TGFBR2: variants seen among roughly 807,000 people sequenced by gnomAD.
TGFBR2 encodes the protein TGF-beta receptor type-2.
In TGFBR2, 18 loss-of-function variants were observed where a neutral mutation model predicts 49.0. That is an observed-to-expected ratio of 0.37 (90% CI 0.25 to 0.54). TGFBR2 has a LOEUF of 0.54. Among genes scored for constraint, TGFBR2 ranks in the 20% least tolerant of loss-of-function variants. The pLI is 0.85. For synonymous variants in TGFBR2, 282 were observed against 275.9 expected (o/e 1.02, Z -0.22); for missense variants, 525 against 722.6 (o/e 0.73, Z 3.13).
chr3:30,657,363 G>C (rs1039691622), intron 3 of TGFBR2, among the ~76,000 whole-genome samples: 1 of 152,138 alleles, frequency 6.6e-6, no homozygotes, highest in Non-Finnish European at 1.5e-5. Context: ...TTCCATGTCC[G>C]TGAGAAATGA....
At chr3:30,622,052 G>A (rs1559448833) in intron 1 of TGFBR2, among the ~76,000 whole-genome samples, 1 of 152,118 alleles carries the variant, frequency 6.6e-6, no homozygotes, top group Non-Finnish European at 1.5e-5. Flanking sequence ...TTCTTCAGAG[G>A]TACATCTTTA....
chr3:30,652,452 TCGAACTC>T (rs1257057319), intron 3 of TGFBR2, among the ~76,000 whole-genome samples: 4 of 152,096 alleles, frequency 2.6e-5, no homozygotes, highest in African/African-American at 9.7e-5. Context: ...CAGTCTGGTC[TCGAACTC>T]CTGACCTCAG....
At chr3:30,687,855 T>G (rs1055394433) in intron 5 of TGFBR2, among the ~76,000 whole-genome samples, 1 of 152,232 alleles carries the variant, frequency 6.6e-6, no homozygotes, top group African/African-American at 2.4e-5. Context: ...TGTGTCTGGC[T>G]TATTTCACTT....
intron 3 of TGFBR2, among the ~76,000 whole-genome samples, chr3:30,670,712 C>T (rs987070530): frequency 6.6e-6 from 1 of 152,266 alleles, no homozygotes; most frequent in Non-Finnish European, 1.5e-5. Context: ...GTGCTAAGGA[C>T]TCTCCTTGTC....
intron 5 of TGFBR2, among the ~76,000 whole-genome samples, chr3:30,685,867 C>A (rs1221911888): frequency 6.6e-6 from 1 of 152,160 alleles, no homozygotes; most frequent in African/African-American, 2.4e-5. Flanking sequence ...GCTACATAAG[C>A]CAAAACAATT....
chr3:30,672,017 C>A lies in TGFBR2; in HGVS notation c.834C>A (p.Ile278=), dbSNP rs779238628. 1 of 1,614,114 alleles carries A rather than the reference C, an allele frequency of 6.2e-7. No homozygotes were observed. Among genetic ancestry groups the A allele is most frequent in the African/African-American group, 1.3e-5 (1 of 74,948 alleles). The change falls in exon 4 of 7, where the codon ATC becomes ATA. Residue 278 remains isoleucine, a synonymous_variant. Transcript: ENST00000295754. This position sits in a 1 kb window ranked among gnomAD's most constrained non-coding sequence, Gnocchi z 4.5. ...AGTTTGAGACAGTGGCAGTCAAGAT[C>A]TTTCCCTATGAGGAGTATGCCTCTT... ...SEQFETVAVK[I]FPYEEYASWK...
At chr3:30,619,143 T>C (rs1698183842) in intron 1 of TGFBR2, among the ~76,000 whole-genome samples, 1 of 152,220 alleles carries the variant, frequency 6.6e-6, no homozygotes, top group Non-Finnish European at 1.5e-5. Context: ...TATCTCATGG[T>C]GATTCCTGTT....
rs778675253 is a variant in TGFBR2, at chr3:30,650,460, G to A, written c.454G>A (p.Glu152Lys). The A allele has an allele frequency of 1.2e-6, 2 of 1,613,850 alleles. No homozygotes were observed. Among genetic ancestry groups the A allele is most frequent in the African/African-American group, 1.3e-5 (1 of 74,880 alleles). Residue 152 changes from glutamate to lysine, a missense_variant and splice_region_variant, in exon 3 of 7, where the codon GAA becomes AAA. Physicochemically the swap from Glu to Lys is moderately conservative, Grantham distance 56 (BLOSUM62 1). Transcript: ENST00000295754. ...CAATGACAACATCATCTTCTCAGAA[G>A]GTGAGTTTTCTTCTCTTAAGGGTGT... The part of the protein sequence containing the change: ...ECNDNIIFSE[E>K]YNTSNPDLLL...
At position 30,635,806 on chromosome 3, in the gene TGFBR2, A is replaced by G. The variant is rs76016701; in HGVS notation, c.95-8941A>G. Among the ~76,000 whole-genome samples, 1,564 of 152,340 alleles carry G rather than the reference A, an allele frequency of 0.01. 86 individuals carry two copies. The East Asian group carries it at 0.15, about 14-fold the overall frequency. On this transcript the variant is annotated intron_variant, in intron 1 of 6. Coordinates refer to ENST00000295754, the MANE Select transcript of TGFBR2 (RefSeq NM_003242.6). Reference sequence around the variant, plus strand: ...TAGCAAACTACTAAATTCATGAGCCAAAATGCTAGTGAAACTCAAACCTAC... The same window carrying G: ...TAGCAAACTACTAAATTCATGAGCCGAAATGCTAGTGAAACTCAAACCTAC...
intron 1 of TGFBR2, among the ~76,000 whole-genome samples, chr3:30,641,624 T>A (rs74851676): frequency 0.025 from 3,836 of 152,308 alleles, 68 homozygotes; most frequent in Non-Finnish European, 0.039. Flanking sequence ...TGCTGTATCT[T>A]AGGCAACTTT....
chr3:30,644,670 C>T, intron 1 of TGFBR2, 77 bp from the exon 2 acceptor site: 2 of 1,376,758 alleles, frequency 1.5e-6, no homozygotes, highest in Admixed American at 1.8e-5. Context: ...TTTGAAATTG[C>T]ATAACATCTT....
At chr3:30,667,063 A>G (rs1047594439) in intron 3 of TGFBR2, among the ~76,000 whole-genome samples, 2 of 152,160 alleles carry the variant, frequency 1.3e-5, no homozygotes, top group Non-Finnish European at 2.9e-5. Flanking sequence ...TGTTGCCTAA[A>G]TTTATCATCT....
chr3:30,631,952 TATAATTA>T (rs1305253110), intron 1 of TGFBR2, among the ~76,000 whole-genome samples: 1 of 152,118 alleles, frequency 6.6e-6, no homozygotes, highest in East Asian at 1.9e-4. Context: ...AGCAATGTTT[TATAATTA>T]ACTTTTACGT....
At chr3:30,645,115 G>T (rs567566151) in intron 2 of TGFBR2, among the ~76,000 whole-genome samples, 200 bp downstream of exon 2, 3 of 152,070 alleles carry the variant, frequency 2.0e-5, no homozygotes, top group Admixed American at 6.5e-5. Context: ...GTTTATGTGG[G>T]TATATAAACG....
chr3:30,628,134 T>C (rs1028861673), intron 1 of TGFBR2, among the ~76,000 whole-genome samples: 2 of 148,902 alleles, frequency 1.3e-5, no homozygotes, highest in East Asian at 4.1e-4. Context: ...TTTTTAATCA[T>C]CTGTGTTTTT....
At chr3:30,622,285 A>C (rs1453621286) in intron 1 of TGFBR2, among the ~76,000 whole-genome samples, 1 of 152,146 alleles carries the variant, frequency 6.6e-6, no homozygotes, top group Non-Finnish European at 1.5e-5. Context: ...GTGCTCTCTA[A>C]ATTGAACTGT....
At position 30,660,283 on chromosome 3, in the gene TGFBR2, T is replaced by C. The variant is rs1436514304; in HGVS notation, c.454+9823T>C. 2.6e-5 allele frequency among the ~76,000 whole-genome samples: 4 copies of C among 152,166 alleles called. No individual in the cohort carries two copies. The East Asian group carries it at 7.7e-4, about 29-fold the overall frequency. ...CAGGCCCCATCCTATTCGAAATACC[T>C]GTTTCTTCCACCAGGCTGATGTAGT... On this transcript the variant is annotated intron_variant, in intron 3 of 6. Transcript: ENST00000295754.
intron 1 of TGFBR2, among the ~76,000 whole-genome samples, chr3:30,639,490 G>C (rs116788057): frequency 0.011 from 1,664 of 152,298 alleles, 16 homozygotes; most frequent in Non-Finnish European, 0.016. Flanking sequence ...CAGGCTGCCA[G>C]TCTGCCCTAT....
chr3:30,607,307 C>G (rs1405167387), intron 1 of TGFBR2, among the ~76,000 whole-genome samples: 1 of 152,186 alleles, frequency 6.6e-6, no homozygotes, highest in Non-Finnish European at 1.5e-5. Flanking sequence ...TGAAGGCGGC[C>G]GGGGAGCAGC....
Sources: allele counts gnomAD v4.1 joint callset (sites outside exome capture counted in the v4.1 genomes callset), GRCh38; gene constraint gnomAD v4.1.1; non-coding constraint Gnocchi (gnomAD v3.1); transcripts MANE v1.5; gene names NCBI Gene and HGNC (gene_info 2026-07-23, HGNC 2026-07-21).